KCNT2: variants seen among roughly 807,000 people sequenced by gnomAD.
The protein encoded by KCNT2 is potassium sodium-activated channel subfamily T member 2.
Under a neutral mutation model 153.8 loss-of-function variants are expected in KCNT2, and 67 were observed. The ratio of observed to expected loss-of-function variants is 0.44; its 90% CI spans 0.36 to 0.53. KCNT2 has a LOEUF of 0.53. KCNT2 is among the 20% of genes least tolerant of loss of function. The pLI, the probability that KCNT2 is intolerant of heterozygous loss-of-function variation, is 0.00. For synonymous variants in KCNT2, 500 were observed against 458.8 expected (o/e 1.09, Z -1.15); for missense variants, 975 against 1,354.8 (o/e 0.72, Z 4.40).
At chr1:196,351,656 A>T (rs910885012) in intron 14 of KCNT2, among the ~76,000 whole-genome samples, 6 of 151,982 alleles carry the variant, frequency 3.9e-5, no homozygotes, top group African/African-American at 1.2e-4. Flanking sequence ...GCAAACAGGG[A>T]CAATTTGACT....
At chr1:196,394,858 T>A (rs569414508) in intron 13 of KCNT2, among the ~76,000 whole-genome samples, 1 of 151,664 alleles carries the variant, frequency 6.6e-6, no homozygotes, top group South Asian at 2.1e-4. Flanking sequence ...GTTGATTTAG[T>A]AGACACCTAT....
intron 21 of KCNT2, among the ~76,000 whole-genome samples, chr1:196,314,852 T>C (rs1662551240): frequency 1.3e-5 from 2 of 151,740 alleles, no homozygotes; most frequent in African/African-American, 2.4e-5. Context: ...TATTAATAGC[T>C]AATATTTATT....
chr1:196,549,447 T>C (rs1657599363), intron 1 of KCNT2, among the ~76,000 whole-genome samples: 1 of 151,948 alleles, frequency 6.6e-6, no homozygotes, highest in Non-Finnish European at 1.5e-5. Context: ...TTATGTATTT[T>C]GTTTTTTCAT....
chr1:196,491,220 C>T (rs565860400), intron 2 of KCNT2, among the ~76,000 whole-genome samples: 1 of 151,984 alleles, frequency 6.6e-6, no homozygotes, highest in South Asian at 2.1e-4. Context: ...TGATGTGACC[C>T]CTTTAGGTAA....
chr1:196,551,919 A>G (rs12562176), intron 1 of KCNT2, among the ~76,000 whole-genome samples: 72,490 of 151,316 alleles, frequency 0.48, 19,728 homozygotes, highest in Middle Eastern at 0.73. Flanking sequence ...TGTTGTGCCT[A>G]TAACTAAACA....
At chr1:196,391,301 A>G (rs983147797) in intron 13 of KCNT2, among the ~76,000 whole-genome samples, 1 of 151,452 alleles carries the variant, frequency 6.6e-6, no homozygotes, top group Non-Finnish European at 1.5e-5. Context: ...AGAACAAGAA[A>G]TTGATCATAG....
At chr1:196,277,488 C>T (rs1022864730) in intron 25 of KCNT2, among the ~76,000 whole-genome samples, 8 of 152,120 alleles carry the variant, frequency 5.3e-5, no homozygotes, top group East Asian at 1.9e-4. Flanking sequence ...CAACTCTTTC[C>T]GGGGTCCAGA....
At chr1:196,266,483 G>A (rs1247831733) in intron 25 of KCNT2, among the ~76,000 whole-genome samples, 1 of 152,130 alleles carries the variant, frequency 6.6e-6, no homozygotes, top group Non-Finnish European at 1.5e-5. Context: ...ATATCCCATA[G>A]TAGACATGGA....
intron 1 of KCNT2, among the ~76,000 whole-genome samples, chr1:196,587,446 A>G (rs1170852101): frequency 6.6e-6 from 1 of 152,066 alleles, no homozygotes; most frequent in Admixed American, 6.6e-5. Context: ...TAGTGACATT[A>G]AAGAAGCATA....
chr1:196,328,453 T>C (rs1374991244), intron 18 of KCNT2, among the ~76,000 whole-genome samples: 5 of 152,040 alleles, frequency 3.3e-5, no homozygotes, highest in African/African-American at 9.6e-5. Flanking sequence ...AGAAAACTTA[T>C]TCAAGTAAAT....
chr1:196,442,154 G>A lies in KCNT2; in HGVS notation c.639-12397C>T, dbSNP rs180921104. On this transcript the variant is annotated intron_variant, in intron 8 of 27. Transcript: ENST00000294725. ...AGAACAGTTCTGCTGGATCACCGACGGAAAAGCTATTATAAAATTATTTTC... is the reference window on the plus strand; with the variant it reads ...AGAACAGTTCTGCTGGATCACCGACAGAAAAGCTATTATAAAATTATTTTC... Among the ~76,000 whole-genome samples the A allele has an allele frequency of 6.6e-5, 10 of 151,704 alleles. No individual in the cohort carries two copies. The East Asian group carries it at 1.8e-3, about 27-fold the overall frequency.
intron 26 of KCNT2, among the ~76,000 whole-genome samples, chr1:196,252,842 G>A (rs1329712970): frequency 6.6e-6 from 1 of 150,810 alleles, no homozygotes; most frequent in Non-Finnish European, 1.5e-5. Context: ...AATGTTATAG[G>A]TGGGCTATTT....
intron 8 of KCNT2, among the ~76,000 whole-genome samples, chr1:196,447,425 C>T (rs1373118058): frequency 6.6e-6 from 1 of 151,586 alleles, no homozygotes; most frequent in Non-Finnish European, 1.5e-5. Flanking sequence ...CAGGAATCAT[C>T]ATAACATCAT....
intron 2 of KCNT2, among the ~76,000 whole-genome samples, chr1:196,491,046 C>A (rs913539024): frequency 3.3e-5 from 5 of 151,960 alleles, no homozygotes; most frequent in African/African-American, 1.2e-4. Context: ...CTTAAAAAAT[C>A]TTTCAAATTA....
intron 23 of KCNT2, among the ~76,000 whole-genome samples, chr1:196,285,078 T>G (rs913114478): frequency 3.3e-5 from 5 of 152,156 alleles, no homozygotes; most frequent in Admixed American, 2.6e-4. Context: ...AACGATGATA[T>G]TAGTGTGAAC....
chr1:196,561,675 A>AAAAAAAAAAAAAAAT (rs1553254846), intron 1 of KCNT2, among the ~76,000 whole-genome samples: 1 of 36,490 alleles, frequency 2.7e-5, no homozygotes. Context: ...AAAAAAAAAA[A>AAAAAAAAAAAAAAAT]AAGAAGAAGA....
At chr1:196,501,613 G>A (rs1680703436) in intron 1 of KCNT2, among the ~76,000 whole-genome samples, 1 of 152,098 alleles carries the variant, frequency 6.6e-6, no homozygotes. Context: ...TGGGATGGAG[G>A]TAAGGATTGA....
chr1:196,557,535 A>G (rs1287308522), intron 1 of KCNT2, among the ~76,000 whole-genome samples: 1 of 151,058 alleles, frequency 6.6e-6, no homozygotes. Flanking sequence ...TTCTCCTCAT[A>G]CAAAGTTCAT....
chr1:196,348,385 T>G (rs1465402054), intron 14 of KCNT2, among the ~76,000 whole-genome samples: 2 of 152,094 alleles, frequency 1.3e-5, no homozygotes, highest in African/African-American at 4.8e-5. Context: ...TAATAAAGAT[T>G]TAAGATGTGT....
Sources: gnomAD v4.1 joint callset for allele counts (sites outside exome capture counted in the v4.1 genomes callset) on GRCh38, gnomAD v4.1.1 for gene constraint, MANE v1.5 for transcripts, NCBI Gene and HGNC (gene_info 2026-07-23, HGNC 2026-07-21) for gene names.